Variants in CARHSP1 observed in about 807,000 individuals in gnomAD.
CARHSP1 encodes the protein calcium-regulated heat-stable protein 1.
CARHSP1 carries 14 observed loss-of-function variants against 12.5 expected under a neutral mutation model. The observed-to-expected ratio is 1.12, with a 90% CI of 0.74 to 1.75. The LOEUF is 1.75. CARHSP1 is among the 40% of genes most tolerant of loss of function. The probability of loss-of-function intolerance (pLI) is 0.00; values close to 1 mark genes in which losing one functional copy is unlikely to be tolerated. For missense variants in CARHSP1, 343 were observed against 201.6 expected (o/e 1.70, Z -4.25); for synonymous variants, 161 against 82.0 (o/e 1.96, Z -5.20).
chr16:8,867,162 C>T (rs1450940082), intron 1 of CARHSP1: 1 of 152,326 alleles, frequency 6.6e-6, no homozygotes, highest in African/African-American at 2.4e-5. Flanking sequence ...AAGCCCAAGC[C>T]CTCCTTCTCA....
At chr16:8,857,271 T>TTTTTG (rs1567181141) in intron 3 of CARHSP1, among the ~76,000 whole-genome samples, 266 of 26,180 alleles carry the variant, frequency 0.01, 21 homozygotes, top group East Asian at 0.017. Context: ...CTGTTTTTTT[T>TTTTTG]TTTTTTTTTT....
chr16:8,862,287 A>G (rs1182004753), intron 1 of CARHSP1, among the ~76,000 whole-genome samples: 1 of 152,006 alleles, frequency 6.6e-6, no homozygotes, highest in Non-Finnish European at 1.5e-5. Context: ...AATAGTCCCG[A>G]TTTCACACCA....
At chr16:8,863,121 T>C (rs1338479530) in intron 1 of CARHSP1, among the ~76,000 whole-genome samples, 1 of 132,836 alleles carries the variant, frequency 7.5e-6, no homozygotes, top group Non-Finnish European at 1.6e-5. Flanking sequence ...GCTTTTTTTT[T>C]TTTTTTTTTT....
At chr16:8,865,319 A>G (rs1355932372) in intron 1 of CARHSP1, among the ~76,000 whole-genome samples, 3 of 152,128 alleles carry the variant, frequency 2.0e-5, no homozygotes, top group African/African-American at 7.2e-5. Flanking sequence ...CATTTTAGCC[A>G]ATCTGGTCTC....
At chr16:8,856,718 A>ACCC (rs2061124576) in intron 3 of CARHSP1, among the ~76,000 whole-genome samples, 1 of 152,174 alleles carries the variant, frequency 6.6e-6, no homozygotes, top group Non-Finnish European at 1.5e-5. Flanking sequence ...TGTGCAGAGT[A>ACCC]GGACTCTGTC....
intron 1 of CARHSP1, chr16:8,867,189 A>C (rs1030860788): frequency 6.7e-6 from 1 of 149,510 alleles, no homozygotes; most frequent in Admixed American, 6.7e-5. Flanking sequence ...ACCCTACTCT[A>C]CACGCCTCCC....
chr16:8,858,413 G>C lies in CARHSP1; in HGVS notation c.218C>G (p.Ser73Cys). The C allele has an allele frequency of 9.3e-6, 15 of 1,614,010 alleles. No homozygotes were observed. Among genetic ancestry groups the C allele is most frequent in the Non-Finnish European group, 1.3e-5 (15 of 1,180,008 alleles). ...YKGVCKCFCR[S>C]KGHGFITPAD... ...TGGAGTAATGAAGCCATGGCCCTTG[G>C]ACCGGCAGAAGCATTTGCAGACTCC... The change falls in exon 3 of 4, where the codon TCC becomes TGC. Residue 73 changes from serine (S) to cysteine (C), a missense_variant. Transcript: ENST00000311052.
At chr16:8,861,029 GAC>G (rs1368216280) in intron 1 of CARHSP1, among the ~76,000 whole-genome samples, 4 of 144,812 alleles carry the variant, frequency 2.8e-5, no homozygotes, top group Admixed American at 6.9e-5. Context: ...CAGCCTGGGT[GAC>G]AGAGTGAGAC....
intron 1 of CARHSP1, among the ~76,000 whole-genome samples, chr16:8,863,535 G>C (rs142515214): frequency 2.6e-5 from 4 of 152,334 alleles, no homozygotes; most frequent in African/African-American, 9.6e-5. Flanking sequence ...TCACCTGATA[G>C]TGGAAGAAAC....
In CARHSP1 at chr16:8,858,485, G is replaced by A. The variant is rs369676449; in HGVS notation, c.159-13C>T. The A allele has an allele frequency of 5.6e-6, 9 of 1,612,656 alleles. No individual in the cohort carries two copies. The African/African-American group carries it at 8.0e-5, about 14-fold the overall frequency. On this transcript the variant is annotated splice_polypyrimidine_tract_variant and intron_variant, in intron 2 of 3. Coordinates refer to ENST00000311052, the MANE Select transcript of CARHSP1 (RefSeq NM_014316.4). ...AGCCCGCACCGTCCTGACAGAGAGG[G>A]GGAAATGTCAGGGGCCCCATCAGCG...
intron 1 of CARHSP1, among the ~76,000 whole-genome samples, chr16:8,863,979 G>C (rs2061413768): frequency 6.6e-6 from 1 of 152,180 alleles, no homozygotes; most frequent in Non-Finnish European, 1.5e-5. Flanking sequence ...CCTGCCCTCT[G>C]TGACTAGCCT....
At chr16:8,858,602 G>C (rs1787923886) in intron 2 of CARHSP1, 130 bp from the exon 3 acceptor site, 20 of 1,145,022 alleles carry the variant, frequency 1.7e-5, no homozygotes, top group Non-Finnish European at 2.3e-5. Context: ...CACACAGGCT[G>C]AGGACTGCAC....
chr16:8,859,077 A>G (rs1472012796), intron 2 of CARHSP1, 94 bp downstream of exon 2: 1 of 1,263,206 alleles, frequency 7.9e-7, no homozygotes, highest in Non-Finnish European at 1.1e-6. Flanking sequence ...GCAGTCCGGG[A>G]CATAGGCCCA....
chr16:8,860,465 T>G (rs1677488), intron 1 of CARHSP1: 48,720 of 985,246 alleles, frequency 0.049, 1,530 homozygotes, highest in Admixed American at 0.2. Flanking sequence ...AATATGAAGG[T>G]GTCGGCTCTA....
At chr16:8,861,661 C>G in intron 1 of CARHSP1, 4 of 1,289,122 alleles carry the variant, frequency 3.1e-6, no homozygotes, top group Non-Finnish European at 4.0e-6. Flanking sequence ...GAGGTGGCAT[C>G]CTACCTCCTG....
At chr16:8,859,465 C>G in intron 1 of CARHSP1, 130 bp from the exon 2 acceptor site, 2 of 833,548 alleles carry the variant, frequency 2.4e-6, no homozygotes, top group Non-Finnish European at 3.6e-6. Flanking sequence ...ACCATTGTCA[C>G]CTTGTCTGGG....
rs1184506223 is a variant in CARHSP1, at chr16:8,853,133, A to G, written c.*2031T>C. On this transcript the variant is annotated 3_prime_UTR_variant, in exon 4 of 4. Transcript: ENST00000311052. ...CAGCTCTGACATCCTGCGGTTCTAG[A>G]ATACCCATTGATTGAAAGAGCTGTG... 1.3e-5 allele frequency: 2 copies of G among 152,022 alleles called. No homozygotes were observed. The highest frequency in any genetic ancestry group is 3.9e-4 in the East Asian group (2 of 5,172). 9.4% of individuals were successfully genotyped at this position (152,022 alleles called of 1,614,324 possible).
intron 1 of CARHSP1, among the ~76,000 whole-genome samples, chr16:8,864,391 A>C (rs142391994): frequency 8.9e-4 from 136 of 152,264 alleles, no homozygotes; most frequent in African/African-American, 3.0e-3. Context: ...CCAACAGATA[A>C]GGGAGTGGGA....
At chr16:8,868,111 A>G (rs552173175) in intron 1 of CARHSP1, 3 of 152,656 alleles carry the variant, frequency 2.0e-5, no homozygotes, top group African/African-American at 7.2e-5. Context: ...ATGCCAGAAG[A>G]AGTCAGAGCC....
Sources: gnomAD v4.1 joint callset for allele counts (sites outside exome capture counted in the v4.1 genomes callset) on GRCh38, gnomAD v4.1.1 for gene constraint, MANE v1.5 for transcripts, NCBI Gene and HGNC (gene_info 2026-07-23, HGNC 2026-07-21) for gene names.